DOCK4: variants seen among roughly 807,000 people sequenced by gnomAD.
DOCK4 encodes dedicator of cytokinesis protein 4.
In DOCK4, 97 loss-of-function variants were observed where a neutral mutation model predicts 268.1. The observed-to-expected ratio is 0.36, with a 90% CI of 0.31 to 0.43. DOCK4 has a LOEUF of 0.43. DOCK4 is among the 20% of genes least tolerant of loss of function. The pLI, the probability that DOCK4 is intolerant of heterozygous loss-of-function variation, is 1.00. For synonymous variants in DOCK4, 954 were observed against 887.2 expected (o/e 1.08, Z -1.34); for missense variants, 2,145 against 2,455.7 (o/e 0.87, Z 2.67).
At chr7:111,933,364 G>C (rs1401375972) in intron 12 of DOCK4, among the ~76,000 whole-genome samples, 5 of 142,070 alleles carry the variant, frequency 3.5e-5, no homozygotes, top group African/African-American at 1.3e-4. Context: ...GTGCGATCTT[G>C]GCTCACTGCA....
intron 12 of DOCK4, among the ~76,000 whole-genome samples, chr7:111,929,137 C>T (rs1008135020): frequency 1.3e-5 from 2 of 151,810 alleles, no homozygotes; most frequent in Non-Finnish European, 2.9e-5. Context: ...TATATATGTA[C>T]ATATGTGTGT....
At chr7:111,738,578 G>T (rs923667542) in intron 49 of DOCK4, among the ~76,000 whole-genome samples, 1 of 152,204 alleles carries the variant, frequency 6.6e-6, no homozygotes, top group African/African-American at 2.4e-5. Context: ...AATAGATCAA[G>T]GAGGGTAAAC....
At chr7:111,763,245 G>A (rs1332552424) in intron 39 of DOCK4, among the ~76,000 whole-genome samples, 1 of 152,070 alleles carries the variant, frequency 6.6e-6, no homozygotes, top group Non-Finnish European at 1.5e-5. Context: ...GAGCCACTGT[G>A]CCTGGCCAAA....
chr7:112,110,407 T>C (rs975406849), intron 1 of DOCK4, among the ~76,000 whole-genome samples: 59 of 152,200 alleles, frequency 3.9e-4, no homozygotes, highest in African/African-American at 1.3e-3. Flanking sequence ...CCATCCATCT[T>C]AGAGCCATAG....
At chr7:111,779,540 G>C (rs1798664137) in intron 35 of DOCK4, among the ~76,000 whole-genome samples, 1 of 152,094 alleles carries the variant, frequency 6.6e-6, no homozygotes, top group South Asian at 2.1e-4. Flanking sequence ...TGGGATTACA[G>C]GTGTGCATCA....
At chr7:112,039,380 G>C (rs60589023) in intron 1 of DOCK4, among the ~76,000 whole-genome samples, 4 of 141,242 alleles carry the variant, frequency 2.8e-5, no homozygotes, top group Non-Finnish European at 6.2e-5. Context: ...ATATGGGGGG[G>C]GGGGCTTAAA....
chr7:111,787,908 C>T (rs1266302149), intron 32 of DOCK4, among the ~76,000 whole-genome samples: 3 of 152,180 alleles, frequency 2.0e-5, no homozygotes, highest in Non-Finnish European at 4.4e-5. Flanking sequence ...TGACTAAGAT[C>T]CATAGGAAGC....
At chr7:111,863,127 T>G (rs899934743) in intron 23 of DOCK4, 10 of 479,078 alleles carry the variant, frequency 2.1e-5, no homozygotes, top group Non-Finnish European at 3.0e-5. Context: ...TCTGAAGGAG[T>G]GTTAAATCCC....
Position 111,741,988 on chromosome 7 carries a change from G to A in DOCK4, c.4797+25C>T, listed in dbSNP as rs141242548. 2.2e-3 allele frequency: 3,308 copies of A among 1,538,126 alleles called. 73 individuals carry two copies. In the African/African-American group the frequency reaches 0.04, roughly 19 times the overall value. On this transcript the variant is annotated intron_variant, in intron 45 of 52. Transcript: ENST00000428084. ...CAAACGGCAGTGATCAGGCTGCCCC[G>A]CCATGGACACCTAAGTATACATACC...
intron 1 of DOCK4, among the ~76,000 whole-genome samples, chr7:112,165,914 C>T (rs1392994386): frequency 1.3e-5 from 2 of 152,180 alleles, no homozygotes; most frequent in Admixed American, 1.3e-4. Flanking sequence ...ACATCCCTCG[C>T]CCCCTCCAAA....
intron 36 of DOCK4, among the ~76,000 whole-genome samples, chr7:111,771,187 T>G (rs1174680157): frequency 6.6e-6 from 1 of 152,206 alleles, no homozygotes; most frequent in African/African-American, 2.4e-5. Context: ...ATGATCTGGT[T>G]CTTACCAAGC....
intron 1 of DOCK4, among the ~76,000 whole-genome samples, chr7:112,142,972 CT>C (rs1815076875): frequency 6.6e-6 from 1 of 151,952 alleles, no homozygotes; most frequent in Non-Finnish European, 1.5e-5. Flanking sequence ...GTACATGTGT[CT>C]TTTTATGAAT....
At chr7:111,855,121 C>T (rs1413553511) in intron 23 of DOCK4, among the ~76,000 whole-genome samples, 1 of 152,144 alleles carries the variant, frequency 6.6e-6, no homozygotes, top group African/African-American at 2.4e-5. Flanking sequence ...GACGGGGCCA[C>T]ATCACAGGGC....
chr7:112,067,256 A>AG (rs1807163198), intron 1 of DOCK4, among the ~76,000 whole-genome samples: 1 of 151,844 alleles, frequency 6.6e-6, no homozygotes, highest in South Asian at 2.1e-4. Flanking sequence ...AAAAAAAAAA[A>AG]AAGATGGTTC....
chr7:112,082,460 T>C (rs371106966), intron 1 of DOCK4, among the ~76,000 whole-genome samples: 5 of 152,162 alleles, frequency 3.3e-5, no homozygotes, highest in East Asian at 3.8e-4. Flanking sequence ...CTACCTTCCC[T>C]ACTCCTTTAC....
At position 112,000,507 on chromosome 7, in the gene DOCK4, T is replaced by G. The variant is rs1463391378; in HGVS notation, c.149A>C (p.Asn50Thr). 1.3e-6 allele frequency: 2 copies of G among 1,543,194 alleles called. No homozygotes were observed. The highest frequency in any genetic ancestry group is 2.3e-5 in the East Asian group (1 of 43,312). ...AACAATTTTTACCTTGATATTTGGGTTTTTTAAGGCAAATCCTCTGTACCA... is the reference window on the plus strand; with the variant it reads ...AACAATTTTTACCTTGATATTTGGGGTTTTTAAGGCAAATCCTCTGTACCA... ...DGWYRGFALKNPNIKGIFPSS... is the reference protein window; with the variant it reads ...DGWYRGFALKTPNIKGIFPSS... Residue 50 changes from asparagine to threonine, a missense_variant, in exon 3 of 53, where the codon AAC (asparagine) becomes ACC (threonine). Physicochemically the swap from Asn to Thr is moderately conservative, Grantham distance 65 (BLOSUM62 0). Around this residue, in one of 2 missense-constraint regions of DOCK4, gnomAD observed 1,598 missense variants for 1,986.7 expected, o/e 0.80. Coordinates refer to ENST00000428084, the MANE Select transcript of DOCK4 (RefSeq NM_001363540.2).
chr7:111,760,569 T>G (rs539666062), intron 39 of DOCK4, among the ~76,000 whole-genome samples: 1 of 152,196 alleles, frequency 6.6e-6, no homozygotes, highest in Non-Finnish European at 1.5e-5. Context: ...TTCACTTGCA[T>G]GAGGTGCAAA....
intron 51 of DOCK4, 60 bp from the exon 52 acceptor site, chr7:111,732,347 C>T: frequency 6.4e-7 from 1 of 1,558,490 alleles, no homozygotes; most frequent in Non-Finnish European, 8.8e-7. Context: ...TGACTATCTG[C>T]ACATGCCCTC....
At chr7:111,815,812 C>T (rs1801504231) in intron 27 of DOCK4, among the ~76,000 whole-genome samples, 1 of 151,278 alleles carries the variant, frequency 6.6e-6, no homozygotes, top group Non-Finnish European at 1.5e-5. Context: ...GCTGGGATTA[C>T]AGGTGCCCGC....
Sources: gnomAD v4.1 joint callset for allele counts (sites outside exome capture counted in the v4.1 genomes callset) on GRCh38, gnomAD v4.1.1 for gene constraint, gnomAD v4.1.1 regional missense constraint, MANE v1.5 for transcripts, NCBI Gene and HGNC (gene_info 2026-07-23, HGNC 2026-07-21) for gene names.